ANKS1B: variants seen among roughly 807,000 people sequenced by gnomAD.
The protein encoded by ANKS1B is ankyrin repeat and sterile alpha motif domain containing 1B, also known as ankyrin repeat and sterile alpha motif domain-containing protein 1B.
In ANKS1B, 36 loss-of-function variants were observed where a neutral mutation model predicts 148.3. The observed-to-expected ratio is 0.24, with a 90% CI of 0.19 to 0.32. The LOEUF is 0.32. Ranked by LOEUF, ANKS1B falls within the 10% of genes least tolerant of loss-of-function variation. The pLI, the probability that ANKS1B is intolerant of heterozygous loss-of-function variation, is 1.00. For synonymous variants in ANKS1B, 542 were observed against 560.8 expected (o/e 0.97, Z 0.47); for missense variants, 1,157 against 1,542.6 (o/e 0.75, Z 4.19).
At chr12:99,551,822 A>T (rs1337225749) in intron 9 of ANKS1B, among the ~76,000 whole-genome samples, 1 of 152,142 alleles carries the variant, frequency 6.6e-6, no homozygotes, top group Non-Finnish European at 1.5e-5. Context: ...CATTTTCCAC[A>T]GTTCAGCCTA....
At chr12:99,081,682 A>G (rs1251434841) in intron 16 of ANKS1B, among the ~76,000 whole-genome samples, 1 of 152,136 alleles carries the variant, frequency 6.6e-6, no homozygotes, top group African/African-American at 2.4e-5. Context: ...TTTCTCTTAT[A>G]TTATTTTCTC....
chr12:99,722,941 C>G (rs1321490185), intron 8 of ANKS1B, among the ~76,000 whole-genome samples: 1 of 152,180 alleles, frequency 6.6e-6, no homozygotes. Flanking sequence ...GGTCCCCACC[C>G]CCCCGCCAAG....
intron 15 of ANKS1B, among the ~76,000 whole-genome samples, chr12:99,135,849 A>G (rs2067851494): frequency 6.6e-6 from 1 of 152,202 alleles, no homozygotes; most frequent in African/African-American, 2.4e-5. Context: ...GAGTCCCAAA[A>G]TGATGAATGT....
intron 1 of ANKS1B, among the ~76,000 whole-genome samples, chr12:99,917,888 G>A (rs1178366808): frequency 6.6e-6 from 1 of 152,246 alleles, no homozygotes; most frequent in African/African-American, 2.4e-5. Flanking sequence ...ACAGCAGGAG[G>A]TGAGCAGCAA....
At position 99,242,780 on chromosome 12, in the gene ANKS1B, C is replaced by A. The variant is rs868596652; in HGVS notation, c.2419+1562G>T. ...TGATCTTCAACAAACCTGACAAAAA[C>A]AAGCAATGGGGAAAGGATTCCCTAT... On this transcript the variant is annotated intron_variant, in intron 14 of 26. Transcript: ENST00000683438. Among the ~76,000 whole-genome samples the A allele has an allele frequency of 4.6e-5, 7 of 152,256 alleles. No homozygotes were observed. In the South Asian group the frequency reaches 1.5e-3, roughly 32 times the overall value.
intron 9 of ANKS1B, among the ~76,000 whole-genome samples, chr12:99,646,534 G>A (rs930723967): frequency 6.6e-6 from 1 of 151,224 alleles, no homozygotes; most frequent in Non-Finnish European, 1.5e-5. Context: ...CACGCCTGTA[G>A]TCCCAGCTAC....
chr12:99,039,657 G>A (rs1285388402), intron 17 of ANKS1B, among the ~76,000 whole-genome samples: 3 of 152,088 alleles, frequency 2.0e-5, no homozygotes, highest in Admixed American at 6.5e-5. Context: ...TCCCTCTGGC[G>A]CTCCTCTGCA....
chr12:98,883,813 G>A (rs958371171), intron 17 of ANKS1B, among the ~76,000 whole-genome samples: 1 of 152,184 alleles, frequency 6.6e-6, no homozygotes, highest in Non-Finnish European at 1.5e-5. Context: ...TGCCACACCA[G>A]AAGGATTATA....
chr12:99,978,155 TA>T (rs2095650894), intron 1 of ANKS1B, among the ~76,000 whole-genome samples: 2 of 152,250 alleles, frequency 1.3e-5, no homozygotes, highest in South Asian at 4.1e-4. Flanking sequence ...GTTAAGTTGC[TA>T]AAGTCAGCAG....
intron 1 of ANKS1B, among the ~76,000 whole-genome samples, chr12:99,877,483 G>A (rs1218157366): frequency 6.6e-6 from 1 of 152,110 alleles, no homozygotes; most frequent in Non-Finnish European, 1.5e-5. Context: ...TCCAAATCTA[G>A]GAAACATAGG....
At chr12:99,368,702 GAGAAA>G (rs1047771124) in intron 12 of ANKS1B, among the ~76,000 whole-genome samples, 4 of 151,970 alleles carry the variant, frequency 2.6e-5, no homozygotes, top group Non-Finnish European at 5.9e-5. Context: ...TACAGTGGTT[GAGAAA>G]AGAAAACGGA....
chr12:99,964,476 G>T (rs1302879378), intron 1 of ANKS1B, among the ~76,000 whole-genome samples: 2 of 152,130 alleles, frequency 1.3e-5, no homozygotes, highest in Non-Finnish European at 2.9e-5. Context: ...AGAAAGGTAG[G>T]TGTCCACATC....
At chr12:99,874,727 G>A (rs989075875) in intron 1 of ANKS1B, among the ~76,000 whole-genome samples, 2 of 152,118 alleles carry the variant, frequency 1.3e-5, no homozygotes, top group African/African-American at 4.8e-5. Flanking sequence ...AGACAGGCCT[G>A]GTGTCAACTG....
At chr12:99,545,938 C>T (rs2097169261) in intron 9 of ANKS1B, among the ~76,000 whole-genome samples, 1 of 151,836 alleles carries the variant, frequency 6.6e-6, no homozygotes, top group Non-Finnish European at 1.5e-5. Flanking sequence ...GTTCACTTTA[C>T]CTAAAGATGG....
chr12:99,741,718 G>A (rs2060132192), intron 8 of ANKS1B, among the ~76,000 whole-genome samples: 1 of 151,854 alleles, frequency 6.6e-6, no homozygotes, highest in African/African-American at 2.4e-5. Context: ...ACACAGGGAG[G>A]GGAACATCAC....
chr12:99,801,496 C>T lies in ANKS1B; in HGVS notation c.669+4908G>A, dbSNP rs559543665. 3.3e-5 allele frequency among the ~76,000 whole-genome samples: 5 copies of T among 152,232 alleles called. No homozygotes were observed. The East Asian group carries it at 9.6e-4, about 29-fold the overall frequency. On this transcript the variant is annotated intron_variant, in intron 4 of 26. Transcript: ENST00000683438. ...TAAAAGTATGTCAGTCATTAGACAA[C>T]TTGACAAAGGCAAAAACAAGGACTT... is the stretch of plus-strand genomic sequence containing the variant.
intron 16 of ANKS1B, among the ~76,000 whole-genome samples, chr12:99,062,864 T>A (rs563076196): frequency 7.8e-4 from 118 of 152,236 alleles, no homozygotes; most frequent in African/African-American, 2.8e-3. Flanking sequence ...TTGCCCTCCT[T>A]TCTTGAAATT....
At chr12:99,935,357 C>CA (rs10629199) in intron 1 of ANKS1B, among the ~76,000 whole-genome samples, 33,410 of 130,032 alleles carry the variant, frequency 0.26, 4,165 homozygotes, top group African/African-American at 0.28. Flanking sequence ...AGATGCCTGA[C>CA]AAAAAAAAAA....
intron 9 of ANKS1B, among the ~76,000 whole-genome samples, chr12:99,573,329 C>G (rs555451941): frequency 6.6e-6 from 1 of 152,050 alleles, no homozygotes; most frequent in Non-Finnish European, 1.5e-5. Flanking sequence ...GCTGTACTCT[C>G]TTATAAAAAT....
Sources: allele counts gnomAD v4.1 joint callset (sites outside exome capture counted in the v4.1 genomes callset), GRCh38; gene constraint gnomAD v4.1.1; transcripts MANE v1.5; gene names NCBI Gene and HGNC (gene_info 2026-07-23, HGNC 2026-07-21).